TBC1D5: variants seen among roughly 807,000 people sequenced by gnomAD.
TBC1D5 encodes TBC1 domain family, member 5.
In TBC1D5, 75 loss-of-function variants were observed where a neutral mutation model predicts 100.3. That is an observed-to-expected ratio of 0.75 (90% CI 0.62 to 0.91). The LOEUF is 0.91. Among genes scored for constraint, TBC1D5 ranks in the 40% least tolerant of loss-of-function variants. TBC1D5 has a pLI of 0.00. For synonymous variants in TBC1D5, 323 were observed against 325.6 expected (o/e 0.99, Z 0.09); for missense variants, 910 against 942.4 (o/e 0.97, Z 0.45).
rs2095814556 is a variant in TBC1D5, at chr3:17,504,008, C to A, written c.97+4466G>T. 1.3e-5 allele frequency among the ~76,000 whole-genome samples: 2 copies of A among 148,946 alleles called. 1 individual carries two copies. The highest frequency in any genetic ancestry group is 5.1e-5 in the African/African-American group (2 of 38,986). On this transcript the variant is annotated intron_variant, in intron 3 of 21. Transcript: ENST00000253692. ...TCAAAGGAAGAGAGGTCAAAGAGAACAGAGGATAAAACAGGAGAGTATATT... is the reference window on the plus strand; with the variant it reads ...TCAAAGGAAGAGAGGTCAAAGAGAAAAGAGGATAAAACAGGAGAGTATATT...
intron 2 of TBC1D5, among the ~76,000 whole-genome samples, chr3:17,618,573 G>A (rs769051284): frequency 3.3e-5 from 5 of 152,198 alleles, no homozygotes; most frequent in Non-Finnish European, 7.3e-5. Flanking sequence ...CGAGCTTCCC[G>A]GCTGCTTTGT....
intron 16 of TBC1D5, among the ~76,000 whole-genome samples, chr3:17,254,940 G>A (rs2077507309): frequency 1.3e-5 from 2 of 152,156 alleles, no homozygotes; most frequent in South Asian, 4.1e-4. Flanking sequence ...GAGTGTGGGA[G>A]TAGAATCAAC....
chr3:17,418,411 C>T (rs933013656), intron 4 of TBC1D5, among the ~76,000 whole-genome samples: 1 of 151,942 alleles, frequency 6.6e-6, no homozygotes, highest in African/African-American at 2.4e-5. Flanking sequence ...AGTTCAAGAC[C>T]AGCCTGGCCA....
chr3:17,374,853 G>C (rs928850398), intron 10 of TBC1D5, among the ~76,000 whole-genome samples, 174 bp from the exon 11 acceptor site: 1 of 152,050 alleles, frequency 6.6e-6, no homozygotes, highest in African/African-American at 2.4e-5. Context: ...TTTCTATAAA[G>C]ATCAAAAACA....
intron 8 of TBC1D5, among the ~76,000 whole-genome samples, chr3:17,388,939 T>C: frequency 6.6e-6 from 1 of 152,136 alleles, no homozygotes; most frequent in East Asian, 1.9e-4. Context: ...AAAATAATAA[T>C]CTATTAATCA....
At chr3:17,406,889 A>T (rs1188568272) in intron 4 of TBC1D5, among the ~76,000 whole-genome samples, 1 of 152,136 alleles carries the variant, frequency 6.6e-6, no homozygotes, top group African/African-American at 2.4e-5. Context: ...AATATGCAAC[A>T]AAGAAGTGTA....
intron 3 of TBC1D5, among the ~76,000 whole-genome samples, 171 bp downstream of exon 3, chr3:17,508,303 T>G (rs570688349): frequency 6.6e-6 from 1 of 152,240 alleles, no homozygotes; most frequent in African/African-American, 2.4e-5. Context: ...TGTTGAAGTA[T>G]TCATTAGTGT....
At chr3:17,200,718 T>C (rs1161326419) in intron 18 of TBC1D5, among the ~76,000 whole-genome samples, 1 of 152,252 alleles carries the variant, frequency 6.6e-6, no homozygotes, top group Non-Finnish European at 1.5e-5. Context: ...GATCCATACA[T>C]TCAATGCTTT....
chr3:17,288,516 C>A (rs1228041393), intron 15 of TBC1D5, among the ~76,000 whole-genome samples: 2 of 152,148 alleles, frequency 1.3e-5, no homozygotes, highest in Non-Finnish European at 2.9e-5. Context: ...TACACCTAAC[C>A]TTTCCTAATT....
At position 17,317,198 on chromosome 3, in the gene TBC1D5, A is replaced by ATT. The variant is rs2084801414; in HGVS notation, c.996-9066_996-9065dup. On this transcript the variant is annotated intron_variant, in intron 13 of 21. Coordinates refer to ENST00000253692, the Ensembl canonical transcript of TBC1D5. The stretch of plus-strand genomic sequence containing the variant: ...TAGAAAGGCAAAAACAATTTAAAAC[A>ATT]TTACTAAATACATTTCAAAGCCAAG... Among the ~76,000 whole-genome samples, 4 of 152,224 alleles carry ATT rather than the reference A, an allele frequency of 2.6e-5. No homozygotes were observed. In the South Asian group the frequency reaches 8.3e-4, roughly 32 times the overall value.
At chr3:17,345,040 A>C (rs2089656266) in intron 13 of TBC1D5, among the ~76,000 whole-genome samples, 1 of 152,216 alleles carries the variant, frequency 6.6e-6, no homozygotes, top group Non-Finnish European at 1.5e-5. Flanking sequence ...CACCAAAAGC[A>C]ATGGCAACAA....
At chr3:17,408,602 T>G (rs996563737) in intron 4 of TBC1D5, among the ~76,000 whole-genome samples, 1 of 152,156 alleles carries the variant, frequency 6.6e-6, no homozygotes, top group Non-Finnish European at 1.5e-5. Flanking sequence ...ATTAAAGGTA[T>G]GAGACAGTGT....
chr3:17,431,453 A>T (rs1313303216), intron 3 of TBC1D5, among the ~76,000 whole-genome samples: 1 of 152,014 alleles, frequency 6.6e-6, no homozygotes, highest in Non-Finnish European at 1.5e-5. Flanking sequence ...CAGTAAAAGA[A>T]TCTAGATGTC....
At chr3:17,721,983 A>G (rs2075747265) in intron 1 of TBC1D5, among the ~76,000 whole-genome samples, 1 of 152,176 alleles carries the variant, frequency 6.6e-6, no homozygotes, top group African/African-American at 2.4e-5. Context: ...CACTGTCTCA[A>G]AAAATTAATT....
intron 2 of TBC1D5, among the ~76,000 whole-genome samples, chr3:17,559,276 G>A (rs1273443777): frequency 6.6e-6 from 1 of 151,820 alleles, no homozygotes; most frequent in African/African-American, 2.4e-5. Context: ...AAGTAGCTGG[G>A]ATTACAGGCA....
chr3:17,582,755 G>A (rs1402806744), intron 2 of TBC1D5, among the ~76,000 whole-genome samples: 2 of 142,932 alleles, frequency 1.4e-5, no homozygotes, highest in African/African-American at 2.6e-5. Context: ...TTTAAACTCT[G>A]ATTAAAAAAA....
intron 3 of TBC1D5, among the ~76,000 whole-genome samples, chr3:17,489,864 T>C (rs1003274070): frequency 6.6e-6 from 1 of 152,214 alleles, no homozygotes; most frequent in Non-Finnish European, 1.5e-5. Context: ...TTCCTTCAGG[T>C]ACATATACAG....
intron 4 of TBC1D5, among the ~76,000 whole-genome samples, chr3:17,418,482 C>A (rs1037960177): frequency 3.9e-5 from 6 of 152,004 alleles, no homozygotes; most frequent in African/African-American, 1.4e-4. Context: ...GTGGTGCACA[C>A]CTGTAATCCC....
chr3:17,401,048 TTTATA>T (rs1465776539), intron 8 of TBC1D5, among the ~76,000 whole-genome samples: 1 of 152,048 alleles, frequency 6.6e-6, no homozygotes, highest in Non-Finnish European at 1.5e-5. Flanking sequence ...TAAACTCCCC[TTTATA>T]TATACATCTT....
Sources: gnomAD v4.1 joint callset for allele counts (sites outside exome capture counted in the v4.1 genomes callset) on GRCh38, gnomAD v4.1.1 for gene constraint, MANE v1.5 for transcripts, NCBI Gene and HGNC (gene_info 2026-07-23, HGNC 2026-07-21) for gene names.